RB1CC1: variants seen among roughly 807,000 people sequenced by gnomAD.
RB1CC1 encodes RB1-inducible coiled-coil protein 1.
A neutral mutation model predicts 177.5 loss-of-function variants in RB1CC1; 46 were observed. That is an observed-to-expected ratio of 0.26 (90% CI 0.20 to 0.33). RB1CC1 has a LOEUF of 0.33. Ranked by LOEUF, RB1CC1 falls within the 10% of genes least tolerant of loss-of-function variation. The probability of loss-of-function intolerance (pLI) is 1.00; values close to 1 mark genes in which losing one functional copy is unlikely to be tolerated. For missense variants in RB1CC1, 1,703 were observed against 1,816.3 expected, an observed-to-expected ratio of 0.94 and a Z score of 1.13; for synonymous variants, 666 against 613.6, an observed-to-expected ratio of 1.09 and a Z score of -1.26.
chr8:52,666,369 T>G (rs1482834487), intron 8 of RB1CC1, among the ~76,000 whole-genome samples: 1 of 151,790 alleles, frequency 6.6e-6, no homozygotes, highest in Admixed American at 6.6e-5. Context: ...AAATACAAAA[T>G]TAACCAGGCG....
intron 1 of RB1CC1, among the ~76,000 whole-genome samples, chr8:52,705,888 T>C (rs1222437249): frequency 6.6e-6 from 1 of 152,140 alleles, no homozygotes; most frequent in Non-Finnish European, 1.5e-5. Context: ...ATTTTAGACA[T>C]TTAAAAATGT....
intron 1 of RB1CC1, among the ~76,000 whole-genome samples, chr8:52,709,176 C>A (rs1322521434): frequency 6.6e-6 from 1 of 152,044 alleles, no homozygotes; most frequent in Non-Finnish European, 1.5e-5. Flanking sequence ...CATTGCACTC[C>A]AGCCTGGGCA....
chr8:52,636,110 A>G (rs1413307727), intron 18 of RB1CC1, 41 bp from the exon 19 acceptor site: 1 of 1,570,694 alleles, frequency 6.4e-7, no homozygotes, highest in Non-Finnish European at 8.6e-7. Flanking sequence ...GAAATTCTAA[A>G]CTTTACATTC....
At chr8:52,688,497 C>T (rs888398411) in intron 1 of RB1CC1, among the ~76,000 whole-genome samples, 1 of 152,130 alleles carries the variant, frequency 6.6e-6, no homozygotes, top group African/African-American at 2.4e-5. Context: ...GGAAAAACTC[C>T]GCCCTAGTAA....
At chr8:52,669,527 T>G (rs147842567) in intron 7 of RB1CC1, among the ~76,000 whole-genome samples, 26 of 152,304 alleles carry the variant, frequency 1.7e-4, no homozygotes, top group Non-Finnish European at 4.4e-5. Context: ...TTATCAAGAA[T>G]CCAGTGTAGT....
At chr8:52,642,926 G>C in intron 16 of RB1CC1, 114 bp from the exon 17 acceptor site, 2 of 1,124,016 alleles carry the variant, frequency 1.8e-6, no homozygotes, top group Admixed American at 7.3e-5. Flanking sequence ...GGAGATGATG[G>C]GGTATGATTC....
chr8:52,658,939 T>C lies in RB1CC1; in HGVS notation c.1727A>G (p.Asp576Gly), dbSNP rs1250909590. 1.9e-6 allele frequency: 3 copies of C among 1,581,906 alleles called. No homozygotes were observed. The highest frequency in any genetic ancestry group is 2.4e-5 in the South Asian group (2 of 84,480). Residue 576 changes from aspartate to glycine, a missense_variant, in exon 13 of 24, where the codon GAT (aspartate) becomes GGT (glycine). Asp to Gly is a moderately conservative substitution (Grantham distance 94). Coordinates refer to ENST00000025008, the MANE Select transcript of RB1CC1 (RefSeq NM_014781.5). ...KPRKFDCELP[D>G]ISLKDLQFLQ... ...AAACTGTAAATCTTTTAATGAAATA[T>C]CTGGAAGTTCACAGTCAAACTTTCG...
intron 12 of RB1CC1, 103 bp downstream of exon 12, chr8:52,660,493 A>T: frequency 8.9e-7 from 1 of 1,119,600 alleles, no homozygotes; most frequent in Non-Finnish European, 1.3e-6. Flanking sequence ...GATTTTTTTT[A>T]AACCACAACA....
At chr8:52,679,377 G>A (rs1853478942) in intron 5 of RB1CC1, among the ~76,000 whole-genome samples, 1 of 152,122 alleles carries the variant, frequency 6.6e-6, no homozygotes, top group African/African-American at 2.4e-5. Flanking sequence ...CACCTCTGCT[G>A]ACCTGAAACA....
intron 5 of RB1CC1, among the ~76,000 whole-genome samples, chr8:52,681,665 T>G (rs931041567): frequency 6.6e-6 from 1 of 152,196 alleles, no homozygotes; most frequent in African/African-American, 2.4e-5. Context: ...GTATGCTGAT[T>G]CACGCCTATA....
At chr8:52,695,909 T>C (rs1485767058) in intron 1 of RB1CC1, among the ~76,000 whole-genome samples, 1 of 152,198 alleles carries the variant, frequency 6.6e-6, no homozygotes, top group Non-Finnish European at 1.5e-5. Context: ...ACCTGTGAGT[T>C]TGTAGTCAGC....
rs1044951051 is a variant in RB1CC1 at position 52,714,409 on chromosome 8, G to T, written c.-501C>A. ...GCTCGGCAGGGCCGCGGACACCGCC[G>T]CGGCTTGGTTTGTTATTGTCGACTC... On this transcript the variant is annotated 5_prime_UTR_variant, in exon 1 of 24. Transcript: ENST00000025008. 1 of 152,504 alleles carries T rather than the reference G, an allele frequency of 6.6e-6. No individual in the cohort carries two copies. The highest frequency in any genetic ancestry group is 2.0e-4 in the East Asian group (1 of 5,108). The allele number at this position is 152,504 out of a possible 1,614,324, so 9.4% of individuals were successfully genotyped here.
At chr8:52,698,723 T>TTTTTTTTTTTTTG in intron 1 of RB1CC1, among the ~76,000 whole-genome samples, 1 of 85,344 alleles carries the variant, frequency 1.2e-5, no homozygotes, top group Non-Finnish European at 2.1e-5. Context: ...TTTTTTTTTT[T>TTTTTTTTTTTTTG]TTTTGAGACA....
At chr8:52,680,917 G>C (rs776225026) in intron 5 of RB1CC1, among the ~76,000 whole-genome samples, 2 of 151,938 alleles carry the variant, frequency 1.3e-5, no homozygotes, top group Non-Finnish European at 2.9e-5. Context: ...CTGATGGGGA[G>C]AAAGTCCTAA....
chr8:52,677,557 A>C (rs576985799), intron 5 of RB1CC1, among the ~76,000 whole-genome samples: 5 of 152,198 alleles, frequency 3.3e-5, no homozygotes, highest in African/African-American at 1.2e-4. Flanking sequence ...AGCTTTAAGA[A>C]GACTGATAAT....
At chr8:52,660,520 G>A in intron 12 of RB1CC1, 76 bp downstream of exon 12, 1 of 1,329,780 alleles carries the variant, frequency 7.5e-7, no homozygotes, top group Non-Finnish European at 1.0e-6. Flanking sequence ...GCAAGTTTCT[G>A]ATAAATGTCT....
intron 1 of RB1CC1, among the ~76,000 whole-genome samples, chr8:52,701,165 C>T (rs1856019036): frequency 6.6e-6 from 1 of 151,862 alleles, no homozygotes; most frequent in Non-Finnish European, 1.5e-5. Context: ...TCTTGTTGCC[C>T]AGGCTAGAGT....
intron 1 of RB1CC1, among the ~76,000 whole-genome samples, chr8:52,711,422 A>G (rs1213024632): frequency 2.0e-5 from 3 of 152,222 alleles, no homozygotes; most frequent in Non-Finnish European, 2.9e-5. Flanking sequence ...TCATCAACCT[A>G]GCACTATACA....
intron 15 of RB1CC1, among the ~76,000 whole-genome samples, chr8:52,648,009 G>A (rs1850207961): frequency 6.6e-6 from 1 of 152,114 alleles, no homozygotes; most frequent in Non-Finnish European, 1.5e-5. Flanking sequence ...ATTTCTAGGT[G>A]TCCTGCATCT....
Sources: gnomAD v4.1 joint callset for allele counts (sites outside exome capture counted in the v4.1 genomes callset) on GRCh38, gnomAD v4.1.1 for gene constraint, MANE v1.5 for transcripts, NCBI Gene and HGNC (gene_info 2026-07-23, HGNC 2026-07-21) for gene names.